The following SORCS2 variants were observed in gnomAD, a reference collection of about 807,000 sequenced individuals.
SORCS2 encodes the protein VPS10 domain-containing receptor SorCS2.
Under a neutral mutation model 141.6 loss-of-function variants are expected in SORCS2, and 100 were observed. The ratio of observed to expected loss-of-function variants is 0.71; its 90% confidence interval spans 0.60 to 0.83. The LOEUF is 0.83. SORCS2 is among the 40% of genes least tolerant of loss of function. The pLI, the probability that SORCS2 is intolerant of heterozygous loss-of-function variation, is 0.00. For missense variants in SORCS2, 1,646 were observed against 1,560.2 expected (o/e 1.05, Z -0.93); for synonymous variants, 789 against 676.9 (o/e 1.17, Z -2.57).
At chr4:7,311,386 C>T (rs895510373) in intron 1 of SORCS2, among the ~76,000 whole-genome samples, 17 of 152,176 alleles carry the variant, frequency 1.1e-4, no homozygotes, top group Non-Finnish European at 1.9e-4. Flanking sequence ...CACTCCTATA[C>T]GAGCTTTCGT....
intron 10 of SORCS2, among the ~76,000 whole-genome samples, chr4:7,685,392 G>A (rs1335712585): frequency 6.6e-6 from 1 of 152,162 alleles, no homozygotes; most frequent in African/African-American, 2.4e-5. Context: ...AGCCTCACGG[G>A]CTGGGCACAG....
Position 7,339,430 on chromosome 4 carries a change from G to A in SORCS2, c.481-56858G>A, listed in dbSNP as rs529799210. ...TTCTGGAGGCCGGAAGCCTGAGATC[G>A]AGGTGCCTGCAAGGTTGGCTGGGTT... On this transcript the variant is annotated intron_variant, in intron 1 of 26. Coordinates refer to ENST00000507866, the MANE Select transcript of SORCS2 (RefSeq NM_020777.3). Among the ~76,000 whole-genome samples, 15 of 152,326 alleles carry A rather than the reference G, an allele frequency of 9.8e-5. No individual in the cohort carries two copies. In the South Asian group the frequency reaches 1.0e-3, roughly 11 times the overall value.
chr4:7,546,212 G>A (rs1170498895), intron 3 of SORCS2, among the ~76,000 whole-genome samples: 2 of 152,114 alleles, frequency 1.3e-5, no homozygotes, highest in Non-Finnish European at 2.9e-5. Context: ...GGAGGTGGGA[G>A]GTCACGTTCC....
chr4:7,381,738 C>G (rs1402555042), intron 1 of SORCS2, among the ~76,000 whole-genome samples: 2 of 152,204 alleles, frequency 1.3e-5, no homozygotes, highest in East Asian at 3.9e-4. Flanking sequence ...TTCCTGACTC[C>G]CGCCCCCACC....
At chr4:7,329,226 C>T (rs768463694) in intron 1 of SORCS2, among the ~76,000 whole-genome samples, 2 of 152,194 alleles carry the variant, frequency 1.3e-5, no homozygotes, top group Non-Finnish European at 2.9e-5. Flanking sequence ...GGCTTACAGG[C>T]GGGCCCGGGG....
At chr4:7,607,174 G>C (rs937305918) in intron 3 of SORCS2, among the ~76,000 whole-genome samples, 1 of 152,202 alleles carries the variant, frequency 6.6e-6, no homozygotes. Flanking sequence ...GAAGCTGCAG[G>C]TTCCCACCTT....
At chr4:7,434,104 G>T in intron 2 of SORCS2, 1 of 1,611,862 alleles carries the variant, frequency 6.2e-7, no homozygotes, top group African/African-American at 1.3e-5. Flanking sequence ...ACGGGCAGGT[G>T]CCCCTAGCTC....
chr4:7,471,347 C>T (rs1196248252), intron 2 of SORCS2, among the ~76,000 whole-genome samples: 2 of 152,240 alleles, frequency 1.3e-5, no homozygotes, highest in East Asian at 3.8e-4. Context: ...TCTGTGGTCC[C>T]CTGTGATTAT....
At chr4:7,535,774 T>C (rs1712069146) in intron 3 of SORCS2, among the ~76,000 whole-genome samples, 1 of 152,156 alleles carries the variant, frequency 6.6e-6, no homozygotes, top group Non-Finnish European at 1.5e-5. Flanking sequence ...GGACCACACA[T>C]GGCCATGGAA....
At position 7,221,412 on chromosome 4, in the gene SORCS2, G is replaced by A. The variant is rs575814606; in HGVS notation, c.480+28286G>A. On this transcript the variant is annotated intron_variant, in intron 1 of 26. Coordinates refer to ENST00000507866, the MANE Select transcript of SORCS2 (RefSeq NM_020777.3). ...CCCAGGTGAGCCTTTTTCAGGCTGC[G>A]TGACCAGCGGAACCAGAGACCGCCG... Among the ~76,000 whole-genome samples, 29 of 152,160 alleles carry A rather than the reference G, an allele frequency of 1.9e-4. 1 individual carries two copies. In the South Asian group the frequency reaches 3.5e-3, roughly 18 times the overall value.
chr4:7,418,702 A>AT (rs1725849829), intron 2 of SORCS2, among the ~76,000 whole-genome samples: 1 of 95,562 alleles, frequency 1.0e-5, no homozygotes, highest in Admixed American at 1.0e-4. Flanking sequence ...GTAACAAATG[A>AT]CCCCCCCCCC....
At chr4:7,536,618 GCACTCAAACAGAACT>G (rs1414830811) in intron 3 of SORCS2, among the ~76,000 whole-genome samples, 2 of 152,114 alleles carry the variant, frequency 1.3e-5, no homozygotes, top group Non-Finnish European at 2.9e-5. Context: ...ACGGCCCCTG[GCACTCAAACAGAACT>G]CACGAGAGAA....
chr4:7,563,794 G>T (rs1714767313), intron 3 of SORCS2, among the ~76,000 whole-genome samples: 3 of 152,312 alleles, frequency 2.0e-5, no homozygotes, highest in South Asian at 4.1e-4. Flanking sequence ...TGCACGTACT[G>T]TTCTAGAATT....
chr4:7,316,016 A>G (rs1316765775), intron 1 of SORCS2, among the ~76,000 whole-genome samples: 2 of 150,580 alleles, frequency 1.3e-5, no homozygotes, highest in Non-Finnish European at 3.0e-5. Flanking sequence ...TATCCTTTCT[A>G]TCCACCCATT....
intron 2 of SORCS2, chr4:7,433,091 A>G (rs1726996101): frequency 5.0e-6 from 2 of 397,566 alleles, no homozygotes; most frequent in African/African-American, 2.1e-5. Context: ...GGGGCACATG[A>G]GTGTGTTCCG....
chr4:7,443,625 G>A (rs568320681), intron 2 of SORCS2, among the ~76,000 whole-genome samples: 160 of 152,316 alleles, frequency 1.1e-3, no homozygotes, highest in South Asian at 1.9e-3. Flanking sequence ...GAGACCCAGG[G>A]TCCACGGCAT....
chr4:7,457,976 C>T (rs905385079), intron 2 of SORCS2, among the ~76,000 whole-genome samples: 4 of 152,150 alleles, frequency 2.6e-5, no homozygotes, highest in African/African-American at 9.7e-5. Context: ...GCCCGAGAGG[C>T]CGTAGGGCAG....
At chr4:7,536,816 TC>T (rs1244252291) in intron 3 of SORCS2, among the ~76,000 whole-genome samples, 10 of 125,776 alleles carry the variant, frequency 8.0e-5, no homozygotes, top group Non-Finnish European at 1.5e-4. Flanking sequence ...GAAGCGGATG[TC>T]CCCATACTCA....
intron 3 of SORCS2, among the ~76,000 whole-genome samples, chr4:7,617,315 T>C (rs1718827501): frequency 2.0e-5 from 3 of 152,132 alleles, no homozygotes. Context: ...CATTGATCTA[T>C]ATGGTATTCG....
Sources: allele counts gnomAD v4.1 joint callset (sites outside exome capture counted in the v4.1 genomes callset), GRCh38; gene constraint gnomAD v4.1.1; transcripts MANE v1.5; gene names NCBI Gene and HGNC (gene_info 2026-07-23, HGNC 2026-07-21).